The following HTR1F variants were observed in gnomAD, a reference collection of about 807,000 sequenced individuals.
HTR1F encodes 5-hydroxytryptamine (serotonin) receptor 1F, G protein-coupled.
A neutral mutation model predicts 24.0 loss-of-function variants in HTR1F; 17 were observed. The ratio of observed to expected loss-of-function variants is 0.71; its 90% CI spans 0.48 to 1.06. HTR1F has a LOEUF of 1.06. Among genes scored for constraint, HTR1F ranks in the 50% least tolerant of loss-of-function variants. HTR1F has a pLI of 0.00. For missense variants in HTR1F, 391 were observed against 427.8 expected, an observed-to-expected ratio of 0.91 and a Z score of 0.76; for synonymous variants, 186 against 156.8, an observed-to-expected ratio of 1.19 and a Z score of -1.39.
At chr3:87,939,166 G>A (rs55649543) in intron 2 of HTR1F, among the ~76,000 whole-genome samples, 27,227 of 152,068 alleles carry the variant, frequency 0.18, 2,659 homozygotes, top group African/African-American at 0.27. Flanking sequence ...TTTATGTGAC[G>A]GATTACATTT....
At chr3:87,823,751 T>G (rs1704406695) in intron 2 of HTR1F, among the ~76,000 whole-genome samples, 1 of 151,674 alleles carries the variant, frequency 6.6e-6, no homozygotes, top group African/African-American at 2.4e-5. Context: ...AGTGCTGGGA[T>G]TACAGGCTTT....
intron 2 of HTR1F, among the ~76,000 whole-genome samples, chr3:87,874,645 A>C (rs574892157): frequency 2.7e-5 from 4 of 148,604 alleles, no homozygotes; most frequent in East Asian, 3.9e-4. Context: ...AAAAAAAAAA[A>C]CCCTAAAATT....
intron 2 of HTR1F, among the ~76,000 whole-genome samples, chr3:87,882,237 T>C (rs1345633843): frequency 6.6e-6 from 1 of 152,098 alleles, no homozygotes; most frequent in African/African-American, 2.4e-5. Context: ...TGTGGAGAAA[T>C]AGGAACACTT....
intron 2 of HTR1F, among the ~76,000 whole-genome samples, chr3:87,972,625 T>G (rs1027002883): frequency 4.6e-5 from 7 of 152,262 alleles, no homozygotes; most frequent in Admixed American, 1.3e-4. Context: ...GACCCTATAT[T>G]CTTTTCAATC....
intron 2 of HTR1F, among the ~76,000 whole-genome samples, chr3:87,886,903 A>G (rs1015223186): frequency 1.3e-5 from 2 of 152,194 alleles, no homozygotes; most frequent in Non-Finnish European, 2.9e-5. Context: ...ATACTGCCCA[A>G]GGTAATTTAT....
intron 2 of HTR1F, among the ~76,000 whole-genome samples, chr3:87,933,355 G>A (rs1175625410): frequency 3.3e-5 from 5 of 151,580 alleles, no homozygotes; most frequent in African/African-American, 1.2e-4. Context: ...TCTGGCCAGG[G>A]CAATTAGGCA....
In HTR1F at chr3:87,846,214, C is replaced by T. The variant is rs186491317; in HGVS notation, c.-43+24090C>T. Among the ~76,000 whole-genome samples, 261 of 152,140 alleles carry T rather than the reference C, an allele frequency of 1.7e-3. 1 individual carries two copies. Among genetic ancestry groups the T allele is most frequent in the Middle Eastern group, 3.4e-3 (1 of 294 alleles). On this transcript the variant is annotated intron_variant, in intron 2 of 2. Transcript: ENST00000319595. ...TTGGGAGGCTGAGACAGGTGGATCA[C>T]CTGAGGCCAGCAGTTCAAGACCAGC...
intron 2 of HTR1F, among the ~76,000 whole-genome samples, chr3:87,846,810 C>T (rs183365242): frequency 5.3e-5 from 8 of 151,924 alleles, no homozygotes; most frequent in Admixed American, 5.2e-4. Flanking sequence ...AGATTTATAG[C>T]TTTTGAAAGA....
chr3:87,894,403 C>A (rs1460887477), intron 2 of HTR1F, among the ~76,000 whole-genome samples: 2 of 151,770 alleles, frequency 1.3e-5, no homozygotes, highest in African/African-American at 4.8e-5. Context: ...ATTATGGGCA[C>A]GCACCACCAT....
intron 2 of HTR1F, among the ~76,000 whole-genome samples, chr3:87,959,349 A>C (rs1442367646): frequency 1.3e-5 from 2 of 151,832 alleles, no homozygotes; most frequent in African/African-American, 2.4e-5. Flanking sequence ...ATAATATCCA[A>C]ATTCTCCCTT....
At chr3:87,808,006 G>C (rs1306493489) in intron 1 of HTR1F, among the ~76,000 whole-genome samples, 1 of 151,850 alleles carries the variant, frequency 6.6e-6, no homozygotes, top group Admixed American at 6.6e-5. Context: ...TTAATGTGCT[G>C]TTGGATTTGG....
rs1575883758 is a variant in HTR1F at position 87,800,854 on chromosome 3, A to G, written c.-160+8012A>G. Among the ~76,000 whole-genome samples, 3 of 152,356 alleles carry G rather than the reference A, an allele frequency of 2.0e-5. No individual in the cohort carries two copies. The East Asian group carries it at 5.8e-4, about 29-fold the overall frequency. On this transcript the variant is annotated intron_variant, in intron 1 of 2. Transcript: ENST00000319595. ...ATTTCTCTCTTTCAAACTGTTTCAT[A>G]AAATTAAAAGACAAAATAAAACCCC...
At chr3:87,982,400 G>T (rs185317725) in intron 2 of HTR1F, among the ~76,000 whole-genome samples, 9 of 152,322 alleles carry the variant, frequency 5.9e-5, no homozygotes, top group Admixed American at 1.3e-4. Context: ...AAAGAATTAT[G>T]CATATGACAT....
intron 2 of HTR1F, among the ~76,000 whole-genome samples, chr3:87,860,844 T>G (rs1362055849): frequency 2.6e-5 from 4 of 152,176 alleles, no homozygotes; most frequent in Non-Finnish European, 1.5e-5. Context: ...CAAAGTGACT[T>G]ACTTTGACTT....
At chr3:87,849,661 G>C (rs1212944953) in intron 2 of HTR1F, among the ~76,000 whole-genome samples, 1 of 151,876 alleles carries the variant, frequency 6.6e-6, no homozygotes, top group East Asian at 1.9e-4. Context: ...CACCATCAGA[G>C]TGAACAGGCA....
chr3:87,989,154 A>G (rs1705747040), intron 2 of HTR1F, among the ~76,000 whole-genome samples: 1 of 152,238 alleles, frequency 6.6e-6, no homozygotes, highest in East Asian at 1.9e-4. Flanking sequence ...GCTATTTATC[A>G]AAGATATTAA....
chr3:87,880,646 T>TTTTG (rs376380478), intron 2 of HTR1F, among the ~76,000 whole-genome samples: 7 of 147,176 alleles, frequency 4.8e-5, no homozygotes, highest in African/African-American at 1.7e-4. Context: ...GTGTGTTTGT[T>TTTTG]TGTGTGTGTG....
At chr3:87,927,512 AT>A (rs1468891778) in intron 2 of HTR1F, among the ~76,000 whole-genome samples, 2 of 152,304 alleles carry the variant, frequency 1.3e-5, no homozygotes, top group Non-Finnish European at 2.9e-5. Context: ...CACCAAAAAA[AT>A]GTATATTATA....
intron 2 of HTR1F, among the ~76,000 whole-genome samples, chr3:87,910,717 C>T (rs912697534): frequency 2.0e-5 from 3 of 151,866 alleles, no homozygotes; most frequent in African/African-American, 7.2e-5. Flanking sequence ...AACACACAGT[C>T]AGACATAAAA....
Sources: allele counts gnomAD v4.1 joint callset (sites outside exome capture counted in the v4.1 genomes callset), GRCh38; gene constraint gnomAD v4.1.1; transcripts MANE v1.5; gene names NCBI Gene and HGNC (gene_info 2026-07-23, HGNC 2026-07-21).